Variants in NIPAL3 observed in about 807,000 individuals in gnomAD.
NIPAL3 encodes NIPA like domain containing 3.
NIPAL3 carries 41 observed loss-of-function variants against 47.2 expected under a neutral mutation model. The ratio of observed to expected loss-of-function variants is 0.87; its 90% CI spans 0.68 to 1.13. The LOEUF is 1.13. Ranked by LOEUF, NIPAL3 falls within the 50% of genes most tolerant of loss-of-function variation. The pLI is 0.00. For missense variants in NIPAL3, 449 were observed against 530.1 expected, an observed-to-expected ratio of 0.85 and a Z score of 1.50; for synonymous variants, 194 against 209.6, an observed-to-expected ratio of 0.93 and a Z score of 0.64.
chr1:24,436,749 T>C (rs536641347), intron 2 of NIPAL3, among the ~76,000 whole-genome samples: 117 of 152,100 alleles, frequency 7.7e-4, no homozygotes, highest in African/African-American at 2.7e-3. Flanking sequence ...TTCACCCGCC[T>C]TGGCCTCCCA....
upstream of NIPAL3, chr1:24,414,782 T>TG (rs1296103154): frequency 6.6e-6 from 1 of 152,064 alleles, no homozygotes; most frequent in Non-Finnish European, 1.5e-5. Flanking sequence ...GTGATCCTCC[T>TG]GGCCTCCCAA....
At chr1:24,462,348 A>G (rs1272219926) in intron 10 of NIPAL3, among the ~76,000 whole-genome samples, 1 of 152,236 alleles carries the variant, frequency 6.6e-6, no homozygotes, top group East Asian at 1.9e-4. Context: ...TGACTCGCAC[A>G]TGAGTATTTA....
intron 2 of NIPAL3, among the ~76,000 whole-genome samples, chr1:24,435,330 A>C (rs887640778): frequency 1.3e-5 from 2 of 152,224 alleles, no homozygotes; most frequent in African/African-American, 4.8e-5. Flanking sequence ...GAAGAAAATA[A>C]AGGTGATATT....
intron 7 of NIPAL3, among the ~76,000 whole-genome samples, 170 bp from the exon 8 acceptor site, chr1:24,455,968 C>G (rs550922643): frequency 2.0e-5 from 3 of 152,196 alleles, no homozygotes; most frequent in Non-Finnish European, 2.9e-5. Flanking sequence ...GAGGTGCACA[C>G]GAGACCCAGT....
chr1:24,460,127 T>C (rs116341611), intron 9 of NIPAL3, among the ~76,000 whole-genome samples: 1 of 152,330 alleles, frequency 6.6e-6, no homozygotes, highest in African/African-American at 2.4e-5. Context: ...GTTTGGTTAG[T>C]AAGTGTTCAT....
At chr1:24,432,038 C>T (rs76949358) in intron 2 of NIPAL3, among the ~76,000 whole-genome samples, 4,935 of 152,174 alleles carry the variant, frequency 0.032, 272 homozygotes, top group African/African-American at 0.11. Flanking sequence ...AGGACAAGGA[C>T]AGGGCATGGC....
chr1:24,421,060 G>A (rs1644305786), intron 2 of NIPAL3, among the ~76,000 whole-genome samples: 1 of 152,044 alleles, frequency 6.6e-6, no homozygotes, highest in Admixed American at 6.5e-5. Context: ...GTTCATGCCT[G>A]TAACTTCAAC....
intron 2 of NIPAL3, among the ~76,000 whole-genome samples, chr1:24,435,711 T>G (rs1378841262): frequency 1.3e-5 from 2 of 152,168 alleles, no homozygotes; most frequent in Non-Finnish European, 2.9e-5. Flanking sequence ...AAGGTAGAAG[T>G]CTAGCCTCTC....
At chr1:24,422,434 C>G (rs934451229) in intron 2 of NIPAL3, among the ~76,000 whole-genome samples, 5 of 152,100 alleles carry the variant, frequency 3.3e-5, no homozygotes, top group Non-Finnish European at 7.4e-5. Flanking sequence ...TAGATGGTCC[C>G]CAATCCTGCC....
At chr1:24,432,089 T>G (rs1397415057) in intron 2 of NIPAL3, among the ~76,000 whole-genome samples, 1 of 152,124 alleles carries the variant, frequency 6.6e-6, no homozygotes, top group East Asian at 1.9e-4. Flanking sequence ...GGAGTGCCAT[T>G]CCTCCCTTCT....
chr1:24,462,161 T>A (rs1432841832), intron 10 of NIPAL3, among the ~76,000 whole-genome samples: 1 of 152,052 alleles, frequency 6.6e-6, no homozygotes, highest in African/African-American at 2.4e-5. Context: ...TATAAAGCCA[T>A]CAGATCTCGT....
intron 4 of NIPAL3, among the ~76,000 whole-genome samples, chr1:24,444,778 G>A (rs1481466977): frequency 7.9e-5 from 12 of 152,136 alleles, no homozygotes; most frequent in African/African-American, 2.7e-4. Flanking sequence ...TAAGAGCCTG[G>A]CCTCCTGCAG....
At chr1:24,442,009 T>C in intron 3 of NIPAL3, 46 bp from the exon 4 acceptor site, 1 of 1,594,234 alleles carries the variant, frequency 6.3e-7, no homozygotes, top group Non-Finnish European at 8.6e-7. Flanking sequence ...ATAGCATTTT[T>C]TTCCCCAAAC....
At chr1:24,415,225 G>A (rs1197466124), upstream of NIPAL3, 1 of 152,152 alleles carries the variant, frequency 6.6e-6, no homozygotes, top group African/African-American at 2.4e-5. Flanking sequence ...TTAACCAAGC[G>A]CTGGGCTCGT....
chr1:24,440,714 T>C (rs935362093), intron 3 of NIPAL3, among the ~76,000 whole-genome samples: 1 of 152,152 alleles, frequency 6.6e-6, no homozygotes, highest in Non-Finnish European at 1.5e-5. Context: ...AATGAGCTTC[T>C]CATGGGGGCA....
At chr1:24,437,043 A>G (rs927121032) in intron 2 of NIPAL3, among the ~76,000 whole-genome samples, 2 of 152,014 alleles carry the variant, frequency 1.3e-5, no homozygotes, top group Non-Finnish European at 2.9e-5. Flanking sequence ...TGAGGTCAGG[A>G]GATTGAGACC....
At position 24,427,020 on chromosome 1, in the gene NIPAL3, G is replaced by A. The variant is rs986205215; in HGVS notation, c.93+7380G>A. 5.6e-4 allele frequency among the ~76,000 whole-genome samples: 86 copies of A among 152,308 alleles called. 1 individual carries two copies. Among genetic ancestry groups the A allele is most frequent in the African/African-American group, 2.0e-3 (83 of 41,562 alleles). ...CTGTGTTAACCATGCACGTGTACTT[G>A]TGAATGCTCCACCCCTAAAATAACC... On this transcript the variant is annotated intron_variant, in intron 2 of 11. Transcript: ENST00000374399.
chr1:24,440,215 T>G lies in NIPAL3; in HGVS notation c.137T>G (p.Val46Gly). The change falls in exon 3 of 12, where the codon GTG becomes GGG. Residue 46 changes from valine (V) to glycine (G), a missense_variant. Coordinates refer to ENST00000374399, the MANE Select transcript of NIPAL3 (RefSeq NM_020448.5). Reference sequence around the variant, plus strand: ...CTCTTGGCGATCTTCGGGCACCTCGTGGTCAGCATTGCACTTAACCTCCAG... The same window carrying G: ...CTCTTGGCGATCTTCGGGCACCTCGGGGTCAGCATTGCACTTAACCTCCAG... ...GALLAIFGHLVVSIALNLQKY... is the reference protein window; with the variant it reads ...GALLAIFGHLGVSIALNLQKY... 6.3e-7 allele frequency: 1 copy of G among 1,598,036 alleles called. No individual in the cohort carries two copies. The highest frequency in any genetic ancestry group is 8.5e-7 in the Non-Finnish European group (1 of 1,172,726).
At chr1:24,446,047 T>A (rs1645642198) in intron 5 of NIPAL3, among the ~76,000 whole-genome samples, 1 of 137,472 alleles carries the variant, frequency 7.3e-6, no homozygotes, top group Non-Finnish European at 1.6e-5. Flanking sequence ...TAGATGGGGC[T>A]TCTGCTCACA....
Sources: gnomAD v4.1 joint callset for allele counts (sites outside exome capture counted in the v4.1 genomes callset) on GRCh38, gnomAD v4.1.1 for gene constraint, MANE v1.5 for transcripts, NCBI Gene and HGNC (gene_info 2026-07-23, HGNC 2026-07-21) for gene names.